Variants in ADAM22 observed in about 807,000 individuals in gnomAD.
The protein encoded by ADAM22 is disintegrin and metalloproteinase domain-containing protein 22.
ADAM22 carries 65 observed loss-of-function variants against 144.6 expected under a neutral mutation model. That is an observed-to-expected ratio of 0.45 (90% CI 0.37 to 0.55). ADAM22 has a LOEUF of 0.55. Ranked by LOEUF, ADAM22 falls within the 20% of genes least tolerant of loss-of-function variation. ADAM22 has a pLI of 0.00. For missense variants in ADAM22, 974 were observed against 1,184.9 expected (o/e 0.82, Z 2.61); for synonymous variants, 391 against 412.6 (o/e 0.95, Z 0.63).
At chr7:88,164,604 A>T (rs991121972) in intron 23 of ADAM22, among the ~76,000 whole-genome samples, 1 of 152,084 alleles carries the variant, frequency 6.6e-6, no homozygotes, top group Non-Finnish European at 1.5e-5. Context: ...TAGCTGGGTA[A>T]CATTGGGCAA....
At chr7:88,027,783 G>T (rs955622696) in intron 3 of ADAM22, among the ~76,000 whole-genome samples, 10 of 150,126 alleles carry the variant, frequency 6.7e-5, no homozygotes, top group Non-Finnish European at 1.5e-4. Context: ...GCTTCATTAG[G>T]TTGTTTATTT....
intron 7 of ADAM22, among the ~76,000 whole-genome samples, chr7:88,117,514 A>G (rs1228635018): frequency 6.6e-6 from 1 of 152,114 alleles, no homozygotes; most frequent in Non-Finnish European, 1.5e-5. Context: ...GTGCATGCAT[A>G]CTTTGCCCTC....
Position 88,120,444 on chromosome 7 carries a change from A to AT in ADAM22, c.607+3631dup, listed in dbSNP as rs1355179788. 2.0e-5 allele frequency among the ~76,000 whole-genome samples: 3 copies of AT among 151,252 alleles called. No individual in the cohort carries two copies. The East Asian group carries it at 5.9e-4, about 30-fold the overall frequency. ...TTTTCCAAAGTGGGTACACTCTTTT[A>AT]TATTTGTGTCAGCACTCTATGAGAG... On this transcript the variant is annotated intron_variant, in intron 7 of 31. Transcript: ENST00000413139.
chr7:87,947,249 A>G (rs377011008), intron 2 of ADAM22, among the ~76,000 whole-genome samples: 25 of 151,390 alleles, frequency 1.7e-4, no homozygotes, highest in Admixed American at 1.1e-3. Flanking sequence ...GCTTTGATTC[A>G]GGGCTACAAA....
intron 2 of ADAM22, among the ~76,000 whole-genome samples, chr7:87,938,057 A>G (rs1466884129): frequency 6.6e-6 from 1 of 152,180 alleles, no homozygotes; most frequent in African/African-American, 2.4e-5. Context: ...GTTAGGAAAC[A>G]GAGGAGTTTT....
Position 88,131,310 on chromosome 7 carries a change from T to G in ADAM22, c.867T>G (p.Ala289=). 1 of 1,613,792 alleles carries G rather than the reference T, an allele frequency of 6.2e-7. No individual in the cohort carries two copies. The highest frequency in any genetic ancestry group is 8.5e-7 in the Non-Finnish European group (1 of 1,179,838). Residue 289 remains alanine, a synonymous_variant, in exon 11 of 32, where the codon GCT becomes GCG. Transcript: ENST00000413139. ...DQLKTRIVLV[A]METWATDNKF... ...TTAAGACCAGGATAGTATTGGTTGC[T>G]ATGGAAACCTGGGCGACTGACAACA...
chr7:87,991,352 ATTTTTT>A (rs10549124), intron 3 of ADAM22, among the ~76,000 whole-genome samples: 4 of 86,036 alleles, frequency 4.6e-5, no homozygotes, highest in Non-Finnish European at 8.5e-5. Context: ...CACTAGCCTT[ATTTTTT>A]TTTTTTTTTT....
chr7:88,048,639 A>G (rs1285433175), intron 3 of ADAM22, among the ~76,000 whole-genome samples: 1 of 152,094 alleles, frequency 6.6e-6, no homozygotes, highest in Non-Finnish European at 1.5e-5. Context: ...TACCATTTCC[A>G]TTTTCTACTA....
chr7:88,155,738 C>A (rs186522384), intron 21 of ADAM22, 149 bp from the exon 22 acceptor site: 1 of 838,500 alleles, frequency 1.2e-6, no homozygotes, highest in Non-Finnish European at 1.7e-6. Context: ...AGGTGGCACA[C>A]TAATTTGGAC....
chr7:87,994,404 G>C (rs895360804), intron 3 of ADAM22, among the ~76,000 whole-genome samples: 5 of 151,728 alleles, frequency 3.3e-5, no homozygotes, highest in Non-Finnish European at 7.4e-5. Context: ...CTCGTGATCC[G>C]CCCGCCTCGG....
In ADAM22 at chr7:87,982,853, G is replaced by A. The variant is rs1015490000; in HGVS notation, c.323+4441G>A. On this transcript the variant is annotated intron_variant, in intron 3 of 31. Transcript: ENST00000413139. ...GGAATTACAGTGCACCACAACACCC[G>A]GCTAATTTTGTATTTTTAGTAGAGA... is the stretch of plus-strand genomic sequence containing the variant. Among the ~76,000 whole-genome samples the A allele has an allele frequency of 3.3e-5, 5 of 150,180 alleles. No homozygotes were observed. The East Asian group carries it at 5.9e-4, about 18-fold the overall frequency.
At chr7:88,193,335 G>A in intron 31 of ADAM22, 96 bp downstream of exon 31, 1 of 1,369,250 alleles carries the variant, frequency 7.3e-7, no homozygotes, top group Non-Finnish European at 9.7e-7. Context: ...TTCCTCCCTT[G>A]TTCCTAAGAA....
chr7:88,114,862 C>A (rs1392118566), intron 6 of ADAM22, among the ~76,000 whole-genome samples: 1 of 151,878 alleles, frequency 6.6e-6, no homozygotes, highest in Non-Finnish European at 1.5e-5. Flanking sequence ...TATTTAATAC[C>A]CTGATAAATG....
chr7:88,183,192 G>T (rs930507546), intron 29 of ADAM22, among the ~76,000 whole-genome samples: 2 of 152,158 alleles, frequency 1.3e-5, no homozygotes, highest in Non-Finnish European at 2.9e-5. Context: ...TAATGTGTTA[G>T]AGTTTATCTT....
intron 3 of ADAM22, among the ~76,000 whole-genome samples, chr7:88,038,541 G>A (rs549874536): frequency 5.6e-4 from 83 of 147,770 alleles, no homozygotes; most frequent in Non-Finnish European, 3.3e-4. Flanking sequence ...TGCAAGCTCC[G>A]CCTCCCGGGT....
intron 3 of ADAM22, among the ~76,000 whole-genome samples, chr7:87,984,534 A>T (rs1386162895): frequency 6.6e-6 from 1 of 152,178 alleles, no homozygotes; most frequent in Non-Finnish European, 1.5e-5. Flanking sequence ...TTTTGCAAGG[A>T]ATTGTCCACA....
intron 2 of ADAM22, among the ~76,000 whole-genome samples, chr7:87,935,747 G>A (rs10272874): frequency 1.2e-4 from 19 of 152,146 alleles, no homozygotes; most frequent in Non-Finnish European, 1.0e-4. Flanking sequence ...GTCCTCCTCC[G>A]ACTTTCTTTA....
intron 3 of ADAM22, among the ~76,000 whole-genome samples, chr7:88,035,799 C>G (rs1801400415): frequency 6.6e-6 from 1 of 152,120 alleles, no homozygotes; most frequent in African/African-American, 2.4e-5. Flanking sequence ...GGTCCTGGAA[C>G]CAATTCCCCA....
intron 3 of ADAM22, among the ~76,000 whole-genome samples, chr7:88,065,823 TAGAAAC>T (rs1432072040): frequency 1.3e-5 from 2 of 152,172 alleles, no homozygotes; most frequent in Non-Finnish European, 2.9e-5. Flanking sequence ...CTTAAATTCT[TAGAAAC>T]AGAATTGCAG....
Sources: gnomAD v4.1 joint callset for allele counts (sites outside exome capture counted in the v4.1 genomes callset) on GRCh38, gnomAD v4.1.1 for gene constraint, MANE v1.5 for transcripts, NCBI Gene and HGNC (gene_info 2026-07-23, HGNC 2026-07-21) for gene names.